Variants in SRPK2 observed in about 807,000 individuals in gnomAD.
SRPK2 encodes the protein SFRS protein kinase 2.
SRPK2 carries 21 observed loss-of-function variants against 90.8 expected under a neutral mutation model. The observed-to-expected ratio is 0.23, with a 90% CI of 0.16 to 0.33. SRPK2 has a LOEUF of 0.33. SRPK2 is among the 10% of genes least tolerant of loss of function. SRPK2 has a pLI of 1.00. For missense variants in SRPK2, 620 were observed against 869.0 expected, an observed-to-expected ratio of 0.71 and a Z score of 3.60; for synonymous variants, 288 against 311.1, an observed-to-expected ratio of 0.93 and a Z score of 0.78.
intron 2 of SRPK2, among the ~76,000 whole-genome samples, chr7:105,331,974 C>G (rs1585746005): frequency 6.6e-6 from 1 of 152,102 alleles, no homozygotes; most frequent in Non-Finnish European, 1.5e-5. Context: ...GCCTGGCCAA[C>G]AGGGTGAAGC....
chr7:105,146,740 A>G, intron 7 of SRPK2, 82 bp from the exon 8 acceptor site: 2 of 1,399,642 alleles, frequency 1.4e-6, no homozygotes, highest in South Asian at 1.3e-5. Context: ...AACATGTAAT[A>G]CAATGCCAGG....
At chr7:105,252,215 C>A (rs1475692985) in intron 2 of SRPK2, among the ~76,000 whole-genome samples, 1 of 152,024 alleles carries the variant, frequency 6.6e-6, no homozygotes, top group African/African-American at 2.4e-5. Context: ...AGTGCAGTTT[C>A]CTTTAAATTA....
chr7:105,377,699 CA>C lies in SRPK2; in HGVS notation c.71+10948del, dbSNP rs566533667. Reference sequence around the variant, plus strand: ...TGAGCAACAGAGCAAGACCCCGTATCAAAAAAAAGAAGAAAAAAAGAGAAAA... The same window carrying C: ...TGAGCAACAGAGCAAGACCCCGTATCAAAAAAAGAAGAAAAAAAGAGAAAA... On this transcript the variant is annotated intron_variant, in intron 2 of 15. Coordinates refer to ENST00000393651, the MANE Select transcript of SRPK2 (RefSeq NM_182692.3). 5.5e-4 allele frequency among the ~76,000 whole-genome samples: 83 copies of C among 151,494 alleles called. 1 individual carries two copies. The South Asian group carries it at 0.016, about 29-fold the overall frequency.
chr7:105,150,962 C>T (rs1805554694), intron 7 of SRPK2, among the ~76,000 whole-genome samples: 1 of 152,124 alleles, frequency 6.6e-6, no homozygotes, highest in South Asian at 2.1e-4. Context: ...AAGGTTGATT[C>T]ACTGTGCGGG....
intron 2 of SRPK2, among the ~76,000 whole-genome samples, chr7:105,331,325 AAAAAAAAAAAAAC>A (rs1585742103): frequency 7.4e-6 from 1 of 134,458 alleles, no homozygotes. Flanking sequence ...AAAAAAAAAA[AAAAAAAAAAAAAC>A]AAATAGTTAT....
intron 2 of SRPK2, among the ~76,000 whole-genome samples, chr7:105,310,977 C>T (rs1267412558): frequency 2.0e-5 from 3 of 152,148 alleles, no homozygotes; most frequent in Non-Finnish European, 2.9e-5. Context: ...CATCAGACAA[C>T]CCACAATCTA....
At chr7:105,289,197 C>A (rs1808611294) in intron 2 of SRPK2, among the ~76,000 whole-genome samples, 1 of 151,458 alleles carries the variant, frequency 6.6e-6, no homozygotes, top group African/African-American at 2.4e-5. Flanking sequence ...TGGCGTGAAC[C>A]CAGGAGGTGG....
intron 2 of SRPK2, among the ~76,000 whole-genome samples, chr7:105,268,649 G>A (rs1167667324): frequency 6.6e-6 from 1 of 152,080 alleles, no homozygotes. Context: ...TGCAAAAGCA[G>A]AACAGCTTGC....
Position 105,261,863 on chromosome 7 carries a change from G to C in SRPK2, c.72-58078C>G, listed in dbSNP as rs921341300. Reference sequence around the variant, plus strand: ...CTACAAAGGAGAAGTACATGGTACTGTAATTTGATACAGGCAGAGCTTCCT... The same window carrying C: ...CTACAAAGGAGAAGTACATGGTACTCTAATTTGATACAGGCAGAGCTTCCT... On this transcript the variant is annotated intron_variant, in intron 2 of 15. Coordinates refer to ENST00000393651, the MANE Select transcript of SRPK2 (RefSeq NM_182692.3). 2.0e-5 allele frequency among the ~76,000 whole-genome samples: 3 copies of C among 152,288 alleles called. No individual in the cohort carries two copies. In the South Asian group the frequency reaches 6.2e-4, roughly 32 times the overall value.
chr7:105,232,469 A>G (rs75936227), intron 2 of SRPK2, among the ~76,000 whole-genome samples: 1 of 7,456 alleles, frequency 1.3e-4, no homozygotes, highest in Non-Finnish European at 7.3e-4. Context: ...AAAAAAAAAA[A>G]AAAAAAAAAA....
At chr7:105,177,648 G>C (rs1792149335) in intron 3 of SRPK2, among the ~76,000 whole-genome samples, 1 of 152,140 alleles carries the variant, frequency 6.6e-6, no homozygotes, top group Non-Finnish European at 1.5e-5. Context: ...GCATGCGTCA[G>C]GGCAGGGAGT....
downstream of SRPK2, among the ~76,000 whole-genome samples, chr7:105,114,988 T>C (rs1799545377): frequency 6.6e-6 from 1 of 152,204 alleles, no homozygotes; most frequent in South Asian, 2.1e-4. Context: ...TAAAGGTAAC[T>C]AGCATGTGAA....
At chr7:105,312,439 A>AC (rs1811818886) in intron 2 of SRPK2, among the ~76,000 whole-genome samples, 1 of 149,960 alleles carries the variant, frequency 6.7e-6, no homozygotes, top group African/African-American at 2.5e-5. Context: ...GACTCCGTCA[A>AC]AAAAAAAAAA....
At chr7:105,381,922 C>T (rs1000918073) in intron 2 of SRPK2, among the ~76,000 whole-genome samples, 7 of 152,154 alleles carry the variant, frequency 4.6e-5, no homozygotes, top group Non-Finnish European at 7.3e-5. Flanking sequence ...AATCCCAACA[C>T]TTTGGGAGGC....
chr7:105,168,719 T>TAC (rs141696554), intron 4 of SRPK2, among the ~76,000 whole-genome samples: 41,384 of 119,978 alleles, frequency 0.34, 6,617 homozygotes, highest in Middle Eastern at 0.43. Context: ...TTTGTTTCAG[T>TAC]ACACACACAC....
chr7:105,147,947 AAAAT>A (rs1308490728), intron 7 of SRPK2, among the ~76,000 whole-genome samples: 5 of 152,234 alleles, frequency 3.3e-5, no homozygotes, highest in African/African-American at 1.2e-4. Context: ...AGGGGCTATA[AAAAT>A]AATACTGCTA....
At chr7:105,304,560 G>A (rs1350971616) in intron 2 of SRPK2, 2 of 152,096 alleles carry the variant, frequency 1.3e-5, no homozygotes, top group African/African-American at 4.8e-5. Flanking sequence ...ATCCTTTTTG[G>A]AACAAGGCAG....
At chr7:105,275,321 T>C (rs1242189648) in intron 2 of SRPK2, among the ~76,000 whole-genome samples, 2 of 152,192 alleles carry the variant, frequency 1.3e-5, no homozygotes, top group Non-Finnish European at 2.9e-5. Flanking sequence ...TCAATTCAAA[T>C]TATCCTTATT....
intron 2 of SRPK2, among the ~76,000 whole-genome samples, chr7:105,358,029 T>A (rs186929391): frequency 1.3e-5 from 2 of 151,286 alleles, no homozygotes; most frequent in Non-Finnish European, 3.0e-5. Context: ...ATCAAGACCA[T>A]CCTGACCAAC....
Sources: gnomAD v4.1 joint callset for allele counts (sites outside exome capture counted in the v4.1 genomes callset) on GRCh38, gnomAD v4.1.1 for gene constraint, MANE v1.5 for transcripts, NCBI Gene and HGNC (gene_info 2026-07-23, HGNC 2026-07-21) for gene names.